Variants in ZNF827 observed in about 807,000 individuals in gnomAD.
ZNF827 encodes zinc finger protein 827.
A neutral mutation model predicts 102.4 loss-of-function variants in ZNF827; 13 were observed. That is an observed-to-expected ratio of 0.13 (90% CI 0.08 to 0.20). The LOEUF (loss-of-function observed/expected upper bound fraction) is 0.20. Ranked by LOEUF, ZNF827 falls within the 10% of genes least tolerant of loss-of-function variation. ZNF827 has a pLI of 1.00. For missense variants in ZNF827, 1,103 were observed against 1,344.4 expected (o/e 0.82, Z 2.81); for synonymous variants, 523 against 536.2 (o/e 0.98, Z 0.34).
In ZNF827 at chr4:145,793,936, ACT is replaced by A. The variant is rs202025458; in HGVS notation, c.2384-14427_2384-14426del. 5.4e-3 allele frequency among the ~76,000 whole-genome samples: 821 copies of A among 152,110 alleles called. 4 individuals carry two copies. The highest frequency in any genetic ancestry group is 0.019 in the African/African-American group (774 of 41,498). ...TGCTTGCCTAAGGTCCTCCAGTGAA[ACT>A]CTGACTGGGGGGAAGTCAGTCTCAG... On this transcript the variant is annotated intron_variant, in intron 8 of 14. Transcript: ENST00000508784.
intron 8 of ZNF827, among the ~76,000 whole-genome samples, chr4:145,787,642 G>A (rs944693248): frequency 2.0e-5 from 3 of 151,968 alleles, no homozygotes; most frequent in African/African-American, 7.3e-5. Context: ...CTTTCAGGGG[G>A]TCCATGCACA....
intron 7 of ZNF827, among the ~76,000 whole-genome samples, chr4:145,835,523 C>T (rs1452444704): frequency 1.3e-5 from 2 of 149,850 alleles, no homozygotes; most frequent in Admixed American, 6.6e-5. Context: ...GACACTTTAA[C>T]TAAATTATCT....
Position 145,864,353 on chromosome 4 carries a change from G to A in ZNF827, c.1981+5892C>T, listed in dbSNP as rs536820201. On this transcript the variant is annotated intron_variant, in intron 5 of 14. Coordinates refer to ENST00000508784, the MANE Select transcript of ZNF827 (RefSeq NM_001306215.2). ...AGCTCATACCTCCCAGTCCTCCCAA[G>A]TTGGGAGGACTGCTTGAGGCCAGGA... Among the ~76,000 whole-genome samples, 3 of 143,148 alleles carry A rather than the reference G, an allele frequency of 2.1e-5. No individual in the cohort carries two copies. The South Asian group carries it at 6.7e-4, about 32-fold the overall frequency. 93.9% of individuals were successfully genotyped at this position (143,148 alleles called of 152,430 possible).
rs142174948 is a variant in ZNF827, at chr4:145,862,701, G to A, written c.1981+7544C>T. On this transcript the variant is annotated intron_variant, in intron 5 of 14. Transcript: ENST00000508784. ...CTACAGCAAATACGGGAGTCAGAAG[G>A]GTCCACTCCACTGAGGTATTATTCA... 1.0e-3 allele frequency among the ~76,000 whole-genome samples: 154 copies of A among 152,210 alleles called. 1 individual carries two copies. In the East Asian group the frequency reaches 0.029, roughly 29 times the overall value.
In ZNF827 at chr4:145,765,881, G is replaced by C; in HGVS notation, c.2861-143C>G. On this transcript the variant is annotated intron_variant, in intron 11 of 14. Transcript: ENST00000508784. The surrounding 1 kb of genome is among the most constrained non-coding windows in gnomAD (Gnocchi z 4.7). ...ATGTCCCCAGCTCCCCCACTGCTGG[G>C]GGATCCCAGGTCCTAAGGCACCTAC... The C allele has an allele frequency of 1.3e-6, 1 of 785,462 alleles. No homozygotes were observed. Among genetic ancestry groups the C allele is most frequent in the Non-Finnish European group, 1.9e-6 (1 of 513,716 alleles). 48.7% of individuals were successfully genotyped at this position (785,462 alleles called of 1,614,324 possible). A position where few individuals can be genotyped will look rare whatever the true frequency, so the allele number is the denominator to read the frequency against.
At chr4:145,915,115 G>A (rs984973195) in intron 1 of ZNF827, among the ~76,000 whole-genome samples, 3 of 152,338 alleles carry the variant, frequency 2.0e-5, no homozygotes, top group Non-Finnish European at 4.4e-5. Flanking sequence ...TGCTGAGAGA[G>A]AGCAAGAGCA....
chr4:145,910,613 TG>T (rs1322661748), intron 1 of ZNF827, among the ~76,000 whole-genome samples: 2 of 152,188 alleles, frequency 1.3e-5, no homozygotes, highest in African/African-American at 2.4e-5. Flanking sequence ...GCCTTCCAAC[TG>T]GTCTCCTCAC....
chr4:145,812,588 C>T lies in ZNF827; in HGVS notation c.2383+10834G>A, dbSNP rs575742511. Among the ~76,000 whole-genome samples the T allele has an allele frequency of 4.9e-4, 74 of 152,044 alleles. No homozygotes were observed. The South Asian group carries it at 0.015, about 31-fold the overall frequency. ...TGTCACCCAGGCTGGAGTGCAGTGGCGTGATCTAGGCTCACTGCAGCCTCT... is the reference window on the plus strand; with the variant it reads ...TGTCACCCAGGCTGGAGTGCAGTGGTGTGATCTAGGCTCACTGCAGCCTCT... On this transcript the variant is annotated intron_variant, in intron 8 of 14. Coordinates refer to ENST00000508784, the MANE Select transcript of ZNF827 (RefSeq NM_001306215.2).
chr4:145,926,414 T>C (rs1753426664), intron 1 of ZNF827, among the ~76,000 whole-genome samples: 1 of 152,232 alleles, frequency 6.6e-6, no homozygotes, highest in Non-Finnish European at 1.5e-5. Flanking sequence ...GTGAGCAGTT[T>C]ATCAATTTCT....
chr4:145,910,742 T>A (rs747234335), intron 1 of ZNF827, among the ~76,000 whole-genome samples: 3 of 152,176 alleles, frequency 2.0e-5, no homozygotes, highest in Non-Finnish European at 2.9e-5. Flanking sequence ...CCTCAAGGCA[T>A]CCCTAATCAT....
intron 2 of ZNF827, among the ~76,000 whole-genome samples, chr4:145,896,947 G>A (rs1053579980): frequency 6.6e-6 from 1 of 151,430 alleles, no homozygotes. Context: ...TCAAAAATTG[G>A]AAAAAAAAGA....
intron 5 of ZNF827, among the ~76,000 whole-genome samples, chr4:145,852,687 C>G (rs929733910): frequency 2.0e-5 from 3 of 152,178 alleles, no homozygotes; most frequent in Non-Finnish European, 2.9e-5. Context: ...TTGCACATTG[C>G]AGGATGTTTA....
rs1226099630 is a variant in ZNF827, at chr4:145,818,048, T to C, written c.2383+5374A>G. On this transcript the variant is annotated intron_variant, in intron 8 of 14. Transcript: ENST00000508784. ...GAAATAGAAGAGAATACAATTAGAATTCTGTTAATCAACAGTAAGTAATTA... is the reference window on the plus strand; with the variant it reads ...GAAATAGAAGAGAATACAATTAGAACTCTGTTAATCAACAGTAAGTAATTA... 2.0e-5 allele frequency among the ~76,000 whole-genome samples: 3 copies of C among 152,242 alleles called. No individual in the cohort carries two copies. In the East Asian group the frequency reaches 5.8e-4, roughly 29 times the overall value.
chr4:145,870,506 A>G, intron 4 of ZNF827, 28 bp from the exon 5 acceptor site: 1 of 1,604,588 alleles, frequency 6.2e-7, no homozygotes, highest in Non-Finnish European at 8.5e-7. Context: ...GGGATTATAT[A>G]TACATAAAAG....
chr4:145,795,068 C>T (rs1041919071), intron 8 of ZNF827, among the ~76,000 whole-genome samples: 18 of 152,334 alleles, frequency 1.2e-4, no homozygotes, highest in Non-Finnish European at 2.5e-4. Flanking sequence ...TCTGCTTCTT[C>T]CCTCGAGATC....
At chr4:145,828,417 G>C (rs993063977) in intron 7 of ZNF827, among the ~76,000 whole-genome samples, 3 of 152,194 alleles carry the variant, frequency 2.0e-5, no homozygotes, top group Admixed American at 1.3e-4. Context: ...AGCTAATGGG[G>C]AGGGAATCAT....
intron 3 of ZNF827, among the ~76,000 whole-genome samples, chr4:145,887,286 G>A (rs1328798056): frequency 2.6e-5 from 4 of 151,910 alleles, no homozygotes; most frequent in South Asian, 2.1e-4. Context: ...GCGTTAATCC[G>A]CTGCACCACC....
chr4:145,851,631 C>T (rs1746547052), intron 5 of ZNF827, among the ~76,000 whole-genome samples: 1 of 152,068 alleles, frequency 6.6e-6, no homozygotes. Flanking sequence ...ACATGCTTCT[C>T]AGGGAAAACT....
At chr4:145,907,022 C>G in intron 1 of ZNF827, 1 of 455,932 alleles carries the variant, frequency 2.2e-6, no homozygotes, top group Non-Finnish European at 4.4e-6. Context: ...AGAGCAGAAA[C>G]TTGAGGAGAA....
Sources: allele counts gnomAD v4.1 joint callset (sites outside exome capture counted in the v4.1 genomes callset), GRCh38; gene constraint gnomAD v4.1.1; non-coding constraint Gnocchi (gnomAD v3.1); transcripts MANE v1.5; gene names NCBI Gene and HGNC (gene_info 2026-07-23, HGNC 2026-07-21).